The following VWCE variants were observed in gnomAD, a reference collection of about 807,000 sequenced individuals.
The protein encoded by VWCE is von Willebrand factor C and EGF domains.
A neutral mutation model predicts 102.9 loss-of-function variants in VWCE; 68 were observed. That is an observed-to-expected ratio of 0.66 (90% CI 0.54 to 0.81). The LOEUF (loss-of-function observed/expected upper bound fraction) is 0.81. VWCE is among the 30% of genes least tolerant of loss of function. VWCE has a pLI of 0.00. For missense variants in VWCE, 1,137 were observed against 1,263.6 expected, an observed-to-expected ratio of 0.90 and a Z score of 1.52; for synonymous variants, 497 against 515.4, an observed-to-expected ratio of 0.96 and a Z score of 0.48.
chr11:61,261,150 G>A (rs1767449621), intron 19 of VWCE, among the ~76,000 whole-genome samples: 1 of 151,874 alleles, frequency 6.6e-6, no homozygotes, highest in African/African-American at 2.4e-5. Flanking sequence ...AAACCGGGAG[G>A]TGGAGGTTGC....
intron 19 of VWCE, among the ~76,000 whole-genome samples, chr11:61,261,107 C>A (rs992925590): frequency 6.6e-6 from 1 of 151,880 alleles, no homozygotes; most frequent in South Asian, 2.1e-4. Context: ...TGTAGTCCAG[C>A]CACTTGGTAG....
intron 16 of VWCE, among the ~76,000 whole-genome samples, chr11:61,266,520 C>T (rs777437659): frequency 6.6e-6 from 1 of 152,100 alleles, no homozygotes; most frequent in South Asian, 2.1e-4. Context: ...TGCACTTCAA[C>T]CTGGGTGACA....
Position 61,258,680 on chromosome 11 carries a change from T to A in VWCE, c.2863A>T (p.Met955Leu). Residue 955 changes from methionine to leucine, a missense_variant, in exon 20 of 20, where the codon ATG becomes TTG. Coordinates refer to ENST00000335613, the MANE Select transcript of VWCE (RefSeq NM_152718.2). Reference protein sequence around the residue: ...VGASRGEESTM With the variant: ...VGASRGEESTL Reference sequence around the variant, plus strand: ...TCCCGGACACAGTGACCTCCTTACATGGTGGACTCTTCCCCCCGAGAAGCC... The same window carrying A: ...TCCCGGACACAGTGACCTCCTTACAAGGTGGACTCTTCCCCCCGAGAAGCC... The A allele has an allele frequency of 7.2e-7, 1 of 1,388,738 alleles. No individual in the cohort carries two copies. Among genetic ancestry groups the A allele is most frequent in the Non-Finnish European group, 9.4e-7 (1 of 1,067,932 alleles). 86.0% of individuals were successfully genotyped at this position (1,388,738 alleles called of 1,614,324 possible).
chr11:61,289,857 T>C (rs952526220), intron 4 of VWCE, among the ~76,000 whole-genome samples: 1 of 152,222 alleles, frequency 6.6e-6, no homozygotes, highest in African/African-American at 2.4e-5. Flanking sequence ...CTCTTGCTTT[T>C]CTATTCAGGG....
chr11:61,282,981 C>A (rs1210629238), intron 5 of VWCE, 76 bp from the exon 6 acceptor site: 7 of 1,257,452 alleles, frequency 5.6e-6, no homozygotes, highest in Non-Finnish European at 8.1e-6. Flanking sequence ...CTCTTCCTCC[C>A]TCATCTCCAT....
chr11:61,270,695 C>G (rs939517743), intron 14 of VWCE, among the ~76,000 whole-genome samples: 1 of 152,160 alleles, frequency 6.6e-6, no homozygotes, highest in Non-Finnish European at 1.5e-5. Context: ...CAGAAACAGC[C>G]TGAACAACTG....
intron 19 of VWCE, 34 bp downstream of exon 19, chr11:61,264,453 G>T: frequency 6.3e-7 from 1 of 1,590,830 alleles, no homozygotes; most frequent in African/African-American, 1.3e-5. Context: ...GAAGAAGATG[G>T]CGGAGAAACT....
At chr11:61,270,825 C>CTTT (rs1243630767) in intron 14 of VWCE, among the ~76,000 whole-genome samples, 2,777 of 134,208 alleles carry the variant, frequency 0.021, 50 homozygotes, top group Non-Finnish European at 0.033. Context: ...GTTACACACA[C>CTTT]TTTTTTTTTT....
intron 4 of VWCE, among the ~76,000 whole-genome samples, chr11:61,290,371 G>T (rs1475509869): frequency 1.3e-5 from 2 of 152,092 alleles, no homozygotes; most frequent in Non-Finnish European, 2.9e-5. Context: ...AATTAGCTGG[G>T]TGTGGTGGCA....
At chr11:61,289,104 C>T (rs919688738) in intron 4 of VWCE, among the ~76,000 whole-genome samples, 2 of 152,062 alleles carry the variant, frequency 1.3e-5, no homozygotes, top group Non-Finnish European at 2.9e-5. Flanking sequence ...TCCCAAAGTA[C>T]TGAGATTACA....
chr11:61,276,899 AGAGGAGAGGAGAAAGGGAG>A (rs1220154439), intron 10 of VWCE, among the ~76,000 whole-genome samples: 3 of 110,494 alleles, frequency 2.7e-5, no homozygotes, highest in African/African-American at 7.1e-5. Context: ...AGGGGGAGGG[AGAGGAGAGGAGAAAGGGAG>A]GAGGAGAGGA....
intron 12 of VWCE, among the ~76,000 whole-genome samples, chr11:61,274,075 G>A (rs992310341): frequency 1.3e-5 from 2 of 152,158 alleles, no homozygotes; most frequent in Admixed American, 6.5e-5. Flanking sequence ...CAGGCAGAAC[G>A]GCCATCTCCA....
chr11:61,275,268 G>T (rs1363002575), intron 11 of VWCE, among the ~76,000 whole-genome samples: 2 of 152,168 alleles, frequency 1.3e-5, no homozygotes, highest in Non-Finnish European at 2.9e-5. Flanking sequence ...TTGATTTGAA[G>T]ATCCACTCCA....
rs752464067 is a variant in VWCE, at chr11:61,259,207, T to C, written c.2336A>G (p.Asn779Ser). 17 of 1,614,018 alleles carry C rather than the reference T, an allele frequency of 1.1e-5. No individual in the cohort carries two copies. Among genetic ancestry groups the C allele is most frequent in the Admixed American group, 1.0e-4 (6 of 59,994 alleles). ...CGGGGGCCCAGGACAGGAGCTACAGTTGACAGGGGCCTCAGTGTCTCCATG... is the reference window on the plus strand; with the variant it reads ...CGGGGGCCCAGGACAGGAGCTACAGCTGACAGGGGCCTCAGTGTCTCCATG... ...SLHGDTEAPV[N>S]CSSCPGPPTA... The change falls in exon 20 of 20, where the codon AAC (asparagine) becomes AGC (serine). Residue 779 changes from asparagine (N) to serine (S), a missense_variant. Asn to Ser is a conservative substitution (Grantham distance 46). This residue lies in a region of VWCE where 316 missense variants were observed against 319.3 expected (regional missense o/e 0.99). Coordinates refer to ENST00000335613, the MANE Select transcript of VWCE (RefSeq NM_152718.2).
Position 61,295,054 on chromosome 11 carries a change from TC to T in VWCE, c.-18del, listed in dbSNP as rs1334537277. The T allele has an allele frequency of 4.5e-6, 6 of 1,347,374 alleles. No homozygotes were observed. The highest frequency in any genetic ancestry group is 3.4e-5 in the Admixed American group (1 of 29,420). The allele number at this position is 1,347,374 out of a possible 1,614,324, so 83.5% of individuals were successfully genotyped here. A position where few individuals can be genotyped will look rare whatever the true frequency, so the allele number is the denominator to read the frequency against. ...GGCCCACATGACCGGCGGCGGCGGG[TC>T]CCCCGGGCTGGGCTCGGCTCCTGCG... On this transcript the variant is annotated 5_prime_UTR_variant, in exon 1 of 20. Coordinates refer to ENST00000335613, the MANE Select transcript of VWCE (RefSeq NM_152718.2). The surrounding 1 kb of genome is among the most constrained non-coding windows in gnomAD (Gnocchi z 4.6).
Position 61,258,929 on chromosome 11 carries a change from G to A in VWCE, c.2614C>T (p.Pro872Ser), listed in dbSNP as rs1292130261. The A allele has an allele frequency of 5.8e-6, 9 of 1,550,714 alleles. No homozygotes were observed. The highest frequency in any genetic ancestry group is 7.8e-6 in the Non-Finnish European group (9 of 1,152,240). ...PGAPQPPPVT[P>S]ERSFSASGAQ... ...CCAGAGGCTGAGAACGAGCGCTCTG[G>A]AGTCACAGGAGGTGGCTGAGGAGCC... The change falls in exon 20 of 20, where the codon CCA becomes TCA. Residue 872 changes from proline (P) to serine (S), a missense_variant. Physicochemically the swap from Pro to Ser is moderately conservative, Grantham distance 74. This residue lies in a region of VWCE where 316 missense variants were observed against 319.3 expected (regional missense o/e 0.99). Transcript: ENST00000335613.
intron 4 of VWCE, among the ~76,000 whole-genome samples, chr11:61,287,199 A>G (rs941347099): frequency 6.6e-6 from 1 of 152,196 alleles, no homozygotes; most frequent in Non-Finnish European, 1.5e-5. Flanking sequence ...CCCTGAGCCC[A>G]CACCAAGCCT....
chr11:61,268,841 G>T, intron 15 of VWCE, 81 bp downstream of exon 15: 1 of 1,413,552 alleles, frequency 7.1e-7, no homozygotes, highest in Non-Finnish European at 9.9e-7. Flanking sequence ...GACGACATGA[G>T]ATGAAGGCTG....
intron 4 of VWCE, among the ~76,000 whole-genome samples, chr11:61,290,258 T>A (rs1855457838): frequency 6.6e-6 from 1 of 152,176 alleles, no homozygotes; most frequent in Non-Finnish European, 1.5e-5. Flanking sequence ...ACGCCTGTAA[T>A]CCTAACACTT....
Sources: allele counts gnomAD v4.1 joint callset (sites outside exome capture counted in the v4.1 genomes callset), GRCh38; gene constraint gnomAD v4.1.1; regional missense constraint gnomAD v4.1.1; non-coding constraint Gnocchi (gnomAD v3.1); transcripts MANE v1.5; gene names NCBI Gene and HGNC (gene_info 2026-07-23, HGNC 2026-07-21).